The following FSAF1 variants were observed in gnomAD, a reference collection of about 807,000 sequenced individuals.
FSAF1 encodes the protein uncharacterized protein C1orf131.
the FSAF1 span, among the ~76,000 whole-genome samples, chr1:231,227,317 A>T: frequency 6.6e-6 from 1 of 151,966 alleles, no homozygotes; most frequent in Non-Finnish European, 1.5e-5. Flanking sequence ...GCCAGGATGG[A>T]GTACAGTTAA....
chr1:231,239,975 C>G, the FSAF1 span, among the ~76,000 whole-genome samples: 6 of 152,302 alleles, frequency 3.9e-5, no homozygotes, highest in African/African-American at 7.2e-5. Context: ...TTAAACTTCT[C>G]AAGGTCAGAG....
the FSAF1 span, chr1:231,229,205 G>A: frequency 5.1e-6 from 8 of 1,574,452 alleles, no homozygotes; most frequent in East Asian, 1.8e-4. Context: ...ACTAGGATTA[G>A]CCTGCTGAGA....
the FSAF1 span, among the ~76,000 whole-genome samples, chr1:231,240,487 T>C: frequency 1.6e-3 from 237 of 151,656 alleles, 1 homozygote; most frequent in African/African-American, 5.6e-3. The surrounding 1 kb of genome is among the most constrained non-coding windows in gnomAD (Gnocchi z 4.1). Context: ...ATTTTCCTTT[T>C]CCCCCATCAA....
the FSAF1 span, among the ~76,000 whole-genome samples, chr1:231,232,282 C>T: frequency 6.6e-6 from 1 of 152,166 alleles, no homozygotes; most frequent in African/African-American, 2.4e-5. Context: ...TACTTCCAGG[C>T]ACACAGGCGA....
At chr1:231,241,157 C>T in the FSAF1 span, 1 of 1,601,410 alleles carries the variant, frequency 6.2e-7, no homozygotes, top group Non-Finnish European at 8.5e-7. Flanking sequence ...CGCGCTGCAC[C>T]CCCGCTTCCG....
the FSAF1 span, among the ~76,000 whole-genome samples, chr1:231,228,881 C>T: frequency 2.6e-5 from 4 of 152,204 alleles, no homozygotes; most frequent in East Asian, 7.7e-4. Flanking sequence ...CCCAGCTGCT[C>T]AGGAGGCTAA....
chr1:231,232,294 T>C, the FSAF1 span, among the ~76,000 whole-genome samples: 1 of 152,188 alleles, frequency 6.6e-6, no homozygotes, highest in African/African-American at 2.4e-5. Flanking sequence ...CACAGGCGAC[T>C]CACGCTTCCC....
chr1:231,234,392 C>T, the FSAF1 span, among the ~76,000 whole-genome samples: 3 of 152,208 alleles, frequency 2.0e-5, no homozygotes, highest in Non-Finnish European at 2.9e-5. This position sits in a 1 kb window ranked among gnomAD's most constrained non-coding sequence, Gnocchi z 4.0. Context: ...TGTTAAGCTA[C>T]ATCTGACGCT....
At chr1:231,240,025 G>A in the FSAF1 span, among the ~76,000 whole-genome samples, 1 of 152,302 alleles carries the variant, frequency 6.6e-6, no homozygotes, top group South Asian at 2.1e-4. The surrounding 1 kb of genome is among the most constrained non-coding windows in gnomAD (Gnocchi z 4.1). Flanking sequence ...CAAGGGCACA[G>A]AAATGCTAGT....
chr1:231,225,722 C>T, the FSAF1 span: 3 of 595,680 alleles, frequency 5.0e-6, no homozygotes, highest in Non-Finnish European at 8.9e-6. Context: ...GGCGTGGTGG[C>T]TCATGCCTAT....
At chr1:231,237,461 C>T in the FSAF1 span, 2 of 152,144 alleles carry the variant, frequency 1.3e-5, no homozygotes, top group East Asian at 3.9e-4. Flanking sequence ...GAGATCATCC[C>T]AGATTCAGGG....
At chr1:231,231,173 C>T in the FSAF1 span, among the ~76,000 whole-genome samples, 1 of 152,234 alleles carries the variant, frequency 6.6e-6, no homozygotes, top group Non-Finnish European at 1.5e-5. Context: ...AGTGCCTTAA[C>T]TGAGACCACA....
the FSAF1 span, among the ~76,000 whole-genome samples, chr1:231,236,011 C>A: frequency 6.6e-6 from 1 of 152,192 alleles, no homozygotes; most frequent in Non-Finnish European, 1.5e-5. Context: ...CTAAAAATGA[C>A]CAGCTGATGC....
the FSAF1 span, among the ~76,000 whole-genome samples, chr1:231,235,794 C>T: frequency 6.6e-6 from 1 of 152,106 alleles, no homozygotes; most frequent in Non-Finnish European, 1.5e-5. Context: ...CAGAGTGACA[C>T]CCTGTCTCTA....
chr1:231,224,121 G>A, the FSAF1 span: 14 of 827,910 alleles, frequency 1.7e-5, no homozygotes, highest in Middle Eastern at 2.8e-4. Flanking sequence ...CAGACACTTC[G>A]GCAACTAGAA....
At chr1:231,235,657 A>G in the FSAF1 span, among the ~76,000 whole-genome samples, 1 of 152,080 alleles carries the variant, frequency 6.6e-6, no homozygotes, top group African/African-American at 2.4e-5. Context: ...TTTTAAAATG[A>G]GCCAGGCATA....
chr1:231,227,532 C>T, the FSAF1 span, among the ~76,000 whole-genome samples: 2 of 152,020 alleles, frequency 1.3e-5, no homozygotes, highest in African/African-American at 4.8e-5. Flanking sequence ...ACCTCAGCCT[C>T]CCAAAGTGCT....
At chr1:231,238,965 A>G in the FSAF1 span, 1 of 1,614,154 alleles carries the variant, frequency 6.2e-7, no homozygotes, top group South Asian at 1.1e-5. Flanking sequence ...GAGGAACTGC[A>G]GCAGCAAGGA....
chr1:231,239,020 T>C, the FSAF1 span: 1 of 1,614,024 alleles, frequency 6.2e-7, no homozygotes, highest in Non-Finnish European at 8.5e-7. Flanking sequence ...ATGCCGCTCT[T>C]CTCTAAGTTC....
Sources: allele counts gnomAD v4.1 joint callset (sites outside exome capture counted in the v4.1 genomes callset), GRCh38; gene constraint gnomAD v4.1.1; non-coding constraint Gnocchi (gnomAD v3.1); transcripts MANE v1.5; gene names NCBI Gene and HGNC (gene_info 2026-07-23, HGNC 2026-07-21).